Variants in APP observed in about 807,000 individuals in gnomAD.
APP encodes amyloid beta precursor protein.
In APP, 31 loss-of-function variants were observed where a neutral mutation model predicts 101.4. The ratio of observed to expected loss-of-function variants is 0.31; its 90% CI spans 0.23 to 0.41. APP has a LOEUF of 0.41. APP is among the 10% of genes least tolerant of loss of function. APP has a pLI of 1.00. For synonymous variants in APP, 366 were observed against 364.4 expected (o/e 1.00, Z -0.05); for missense variants, 839 against 1,003.7 (o/e 0.84, Z 2.22).
intron 8 of APP, among the ~76,000 whole-genome samples, chr21:25,989,905 T>TA (rs200986506): frequency 0.015 from 2,174 of 140,356 alleles, 53 homozygotes; most frequent in African/African-American, 0.059. Flanking sequence ...TATTATAACT[T>TA]AAAAAAAAAG....
intron 2 of APP, among the ~76,000 whole-genome samples, chr21:26,090,904 A>G (rs2061809674): frequency 6.6e-6 from 1 of 152,226 alleles, no homozygotes; most frequent in Non-Finnish European, 1.5e-5. Context: ...CTTTGCTCCT[A>G]TAACTAACTA....
At chr21:26,165,410 CTG>C (rs558572535) in intron 1 of APP, among the ~76,000 whole-genome samples, 184 of 152,308 alleles carry the variant, frequency 1.2e-3, no homozygotes, top group African/African-American at 3.9e-3. Flanking sequence ...AAGGAAAAAA[CTG>C]AGGCACAGAA....
intron 6 of APP, among the ~76,000 whole-genome samples, chr21:26,015,945 T>G (rs2044037301): frequency 6.6e-6 from 1 of 152,216 alleles, no homozygotes; most frequent in African/African-American, 2.4e-5. Context: ...ATAAAACTTT[T>G]GTGTAGAAAA....
At chr21:26,028,324 C>G (rs925447331) in intron 5 of APP, among the ~76,000 whole-genome samples, 1 of 152,140 alleles carries the variant, frequency 6.6e-6, no homozygotes, top group Non-Finnish European at 1.5e-5. Context: ...ACAATTCACA[C>G]TAACTGCTGT....
intron 6 of APP, among the ~76,000 whole-genome samples, chr21:26,015,246 A>G (rs902948246): frequency 5.3e-5 from 3 of 56,664 alleles, no homozygotes; most frequent in African/African-American, 1.4e-4. Context: ...TTCAAATGCA[A>G]TGGAGGATCG....
chr21:25,907,842 T>C (rs1272596668), intron 14 of APP, among the ~76,000 whole-genome samples: 1 of 152,248 alleles, frequency 6.6e-6, no homozygotes, highest in Non-Finnish European at 1.5e-5. Context: ...TAATGAAATA[T>C]TTATTTAATC....
chr21:26,098,192 TATA>T (rs999055621), intron 2 of APP, among the ~76,000 whole-genome samples: 13 of 148,226 alleles, frequency 8.8e-5, no homozygotes, highest in Non-Finnish European at 1.5e-4. Context: ...TATTTTTATA[TATA>T]ATAATTATTA....
At chr21:25,983,095 T>C (rs2042501114) in intron 8 of APP, among the ~76,000 whole-genome samples, 1 of 152,246 alleles carries the variant, frequency 6.6e-6, no homozygotes, top group Non-Finnish European at 1.5e-5. Flanking sequence ...AGTCAATGAA[T>C]TCATTATGCT....
In APP at chr21:26,049,228, T is replaced by C. The variant is rs573465294; in HGVS notation, c.662+1772A>G. Among the ~76,000 whole-genome samples, 6 of 151,682 alleles carry C rather than the reference T, an allele frequency of 4.0e-5. No homozygotes were observed. In the South Asian group the frequency reaches 8.4e-4, roughly 21 times the overall value. ...AATGCAAGAAAGGGAGAGGAGATGATTGAGAGTCCAGCAGAACATAATCAT... is the reference window on the plus strand; with the variant it reads ...AATGCAAGAAAGGGAGAGGAGATGACTGAGAGTCCAGCAGAACATAATCAT... On this transcript the variant is annotated intron_variant, in intron 5 of 17. Transcript: ENST00000346798.
At chr21:25,915,473 A>G (rs1250069182) in intron 13 of APP, among the ~76,000 whole-genome samples, 1 of 152,214 alleles carries the variant, frequency 6.6e-6, no homozygotes, top group Non-Finnish European at 1.5e-5. Flanking sequence ...CAGCCTTCCC[A>G]TGTTCAGCCC....
intron 1 of APP, among the ~76,000 whole-genome samples, chr21:26,135,317 G>C (rs2062872896): frequency 6.6e-6 from 1 of 152,090 alleles, no homozygotes; most frequent in African/African-American, 2.4e-5. Flanking sequence ...AAGGGTATGG[G>C]GGTTGAAAAC....
chr21:25,901,314 A>C (rs1294007014), intron 15 of APP, among the ~76,000 whole-genome samples: 29 of 109,864 alleles, frequency 2.6e-4, no homozygotes, highest in East Asian at 8.9e-4. Context: ...AAAAAAAAAA[A>C]AAAACAAAAC....
At position 25,986,699 on chromosome 21, in the gene APP, T is replaced by TCAAA. The variant is rs1053529203; in HGVS notation, c.1091-4226_1091-4223dup. Among the ~76,000 whole-genome samples the TCAAA allele has an allele frequency of 7.9e-5, 12 of 152,102 alleles. No individual in the cohort carries two copies. In the South Asian group the frequency reaches 8.3e-4, roughly 11 times the overall value. On this transcript the variant is annotated intron_variant, in intron 8 of 17. Transcript: ENST00000346798. ...TGGGCTACAAGAGCGAAACTCCGTC[T>TCAAA]CAAACAAACAAACAAACAAATAAAT...
At chr21:26,092,601 G>A (rs2061848017) in intron 2 of APP, among the ~76,000 whole-genome samples, 1 of 152,118 alleles carries the variant, frequency 6.6e-6, no homozygotes, top group Non-Finnish European at 1.5e-5. Flanking sequence ...CTACAATGAT[G>A]GACATATGTC....
intron 5 of APP, among the ~76,000 whole-genome samples, chr21:26,031,563 G>T (rs1360951303): frequency 3.3e-5 from 5 of 152,062 alleles, no homozygotes; most frequent in African/African-American, 1.2e-4. Flanking sequence ...GGCGGCAAGA[G>T]AAAAATGAGG....
intron 2 of APP, among the ~76,000 whole-genome samples, chr21:26,105,980 C>T (rs1472772831): frequency 6.6e-6 from 1 of 152,234 alleles, no homozygotes; most frequent in Non-Finnish European, 1.5e-5. Context: ...CCAAGATGGG[C>T]TAGTCCTGAT....
chr21:25,982,278 CTG>C, intron 9 of APP, 64 bp downstream of exon 9: 2 of 1,555,590 alleles, frequency 1.3e-6, no homozygotes, highest in Non-Finnish European at 1.8e-6. Flanking sequence ...TGTGGGGAGA[CTG>C]AGGCAGAGGC....
At chr21:26,110,918 G>C (rs1377435092) in intron 2 of APP, among the ~76,000 whole-genome samples, 1 of 151,880 alleles carries the variant, frequency 6.6e-6, no homozygotes, top group Non-Finnish European at 1.5e-5. Context: ...CACATGCAGA[G>C]ATAACTATCT....
At chr21:26,103,715 T>C (rs748425954) in intron 2 of APP, among the ~76,000 whole-genome samples, 3 of 152,214 alleles carry the variant, frequency 2.0e-5, no homozygotes, top group Non-Finnish European at 2.9e-5. Flanking sequence ...GATACAGAAC[T>C]CCTGCCCATT....
Sources: gnomAD v4.1 joint callset for allele counts (sites outside exome capture counted in the v4.1 genomes callset) on GRCh38, gnomAD v4.1.1 for gene constraint, MANE v1.5 for transcripts, NCBI Gene and HGNC (gene_info 2026-07-23, HGNC 2026-07-21) for gene names.